DLGAP2: variants seen among roughly 807,000 people sequenced by gnomAD.
DLGAP2 encodes disks large-associated protein 2.
In DLGAP2, 26 loss-of-function variants were observed where a neutral mutation model predicts 100.3. The ratio of observed to expected loss-of-function variants is 0.26; its 90% confidence interval spans 0.19 to 0.36. The LOEUF (loss-of-function observed/expected upper bound fraction) is 0.36, where lower values mean the gene tolerates loss of function less well. DLGAP2 is among the 10% of genes least tolerant of loss of function. DLGAP2 has a pLI of 1.00. For synonymous variants in DLGAP2, 886 were observed against 630.1 expected, an observed-to-expected ratio of 1.41 and a Z score of -6.08; for missense variants, 1,858 against 1,453.2, an observed-to-expected ratio of 1.28 and a Z score of -4.53.
intron 2 of DLGAP2, among the ~76,000 whole-genome samples, chr8:989,137 G>C (rs1035460512): frequency 6.6e-6 from 1 of 152,114 alleles, no homozygotes; most frequent in Non-Finnish European, 1.5e-5. Context: ...TCAGCCCTGC[G>C]CGGCACCACC....
intron 6 of DLGAP2, among the ~76,000 whole-genome samples, chr8:1,623,966 T>C (rs968765913): frequency 2.0e-5 from 3 of 152,226 alleles, no homozygotes; most frequent in African/African-American, 7.2e-5. Context: ...ATTTGAAACA[T>C]AGACTCACAA....
At chr8:908,824 G>A (rs1798430486) in intron 2 of DLGAP2, among the ~76,000 whole-genome samples, 1 of 152,184 alleles carries the variant, frequency 6.6e-6, no homozygotes, top group African/African-American at 2.4e-5. Context: ...GTCCCAGGAT[G>A]TTTTAGTTGG....
At chr8:908,181 G>T (rs897296132) in intron 2 of DLGAP2, among the ~76,000 whole-genome samples, 1 of 152,148 alleles carries the variant, frequency 6.6e-6, no homozygotes, top group Non-Finnish European at 1.5e-5. Flanking sequence ...GTTTTTATTT[G>T]ACAGAGGAAA....
chr8:1,673,249 G>A (rs1475958397), intron 10 of DLGAP2, among the ~76,000 whole-genome samples: 1 of 152,196 alleles, frequency 6.6e-6, no homozygotes, highest in South Asian at 2.1e-4. Context: ...TGGGATTATA[G>A]ATGTGAGCCA....
intron 2 of DLGAP2, among the ~76,000 whole-genome samples, chr8:1,121,102 T>C (rs1168908843): frequency 4.1e-3 from 410 of 99,140 alleles, no homozygotes; most frequent in Middle Eastern, 0.031. Context: ...CCATCCTCAT[T>C]CCTTCAGACC....
chr8:1,566,005 C>G, intron 6 of DLGAP2, 111 bp downstream of exon 6: 1 of 844,802 alleles, frequency 1.2e-6, no homozygotes, highest in Non-Finnish European at 1.7e-6. Flanking sequence ...AACTAAATTG[C>G]CAAGCTGAAA....
At chr8:773,322 ACTT>A (rs1821417736) in intron 1 of DLGAP2, among the ~76,000 whole-genome samples, 1 of 122,760 alleles carries the variant, frequency 8.1e-6, no homozygotes, top group African/African-American at 3.3e-5. Flanking sequence ...TACCTTAATC[ACTT>A]CTTTTTTTTT....
chr8:1,644,987 A>C (rs1431573371), intron 8 of DLGAP2, among the ~76,000 whole-genome samples: 3 of 152,266 alleles, frequency 2.0e-5, no homozygotes, highest in Non-Finnish European at 2.9e-5. Context: ...TCACGCCTGT[A>C]GTGCCAGCAC....
chr8:1,348,290 C>A (rs995302017), intron 3 of DLGAP2, among the ~76,000 whole-genome samples: 1 of 150,718 alleles, frequency 6.6e-6, no homozygotes, highest in Non-Finnish European at 1.5e-5. Flanking sequence ...GGTTGAGTTT[C>A]CACATAGAGC....
At chr8:1,372,676 A>G (rs562127701) in intron 3 of DLGAP2, among the ~76,000 whole-genome samples, 5 of 152,342 alleles carry the variant, frequency 3.3e-5, no homozygotes, top group South Asian at 2.1e-4. Flanking sequence ...ATGCTCTTCA[A>G]TAAGTTGGAC....
chr8:1,632,110 G>A (rs957734035), intron 7 of DLGAP2, among the ~76,000 whole-genome samples: 2 of 151,792 alleles, frequency 1.3e-5, no homozygotes, highest in East Asian at 3.9e-4. Flanking sequence ...GGATGGAAGG[G>A]AGGGAGGATG....
chr8:1,374,635 G>C (rs1329096307), intron 3 of DLGAP2, among the ~76,000 whole-genome samples: 1 of 152,174 alleles, frequency 6.6e-6, no homozygotes, highest in Non-Finnish European at 1.5e-5. Flanking sequence ...CCTCAATGTA[G>C]GAGTTAAAGA....
At chr8:913,356 A>G (rs905250092) in intron 2 of DLGAP2, among the ~76,000 whole-genome samples, 5 of 152,198 alleles carry the variant, frequency 3.3e-5, no homozygotes, top group African/African-American at 1.2e-4. Context: ...TTTTAATTTC[A>G]TGATGGACAA....
intron 6 of DLGAP2, chr8:1,622,103 A>G (rs1413266069): frequency 1.3e-5 from 2 of 152,260 alleles, no homozygotes; most frequent in Non-Finnish European, 2.9e-5. Flanking sequence ...CAGGTGGAAT[A>G]ATACACACAT....
At chr8:1,262,719 C>G (rs577172982) in intron 3 of DLGAP2, 1 of 152,174 alleles carries the variant, frequency 6.6e-6, no homozygotes, top group South Asian at 2.1e-4. Context: ...GCTGGTTTAT[C>G]TTGACATAGC....
chr8:787,662 C>A (rs528154918), intron 1 of DLGAP2, among the ~76,000 whole-genome samples: 1 of 152,320 alleles, frequency 6.6e-6, no homozygotes, highest in South Asian at 2.1e-4. Context: ...TTGGCCTTGT[C>A]TTGCTCCGGG....
At chr8:1,154,835 G>C (rs1324427122) in intron 2 of DLGAP2, among the ~76,000 whole-genome samples, 1 of 152,160 alleles carries the variant, frequency 6.6e-6, no homozygotes, top group Non-Finnish European at 1.5e-5. Flanking sequence ...GGGGTGCCTT[G>C]GAGTTAGGAT....
chr8:965,473 C>G (rs867613038), intron 2 of DLGAP2, among the ~76,000 whole-genome samples: 2 of 54,400 alleles, frequency 3.7e-5, no homozygotes, highest in African/African-American at 9.2e-5. Context: ...TGACCCCGCA[C>G]TGCACACGGC....
intron 2 of DLGAP2, among the ~76,000 whole-genome samples, chr8:1,077,894 C>A (rs1195677392): frequency 6.6e-6 from 1 of 152,188 alleles, no homozygotes; most frequent in Non-Finnish European, 1.5e-5. Flanking sequence ...TGTGCGTGCA[C>A]GAGTTCTCCA....
Sources: allele counts gnomAD v4.1 joint callset (sites outside exome capture counted in the v4.1 genomes callset), GRCh38; gene constraint gnomAD v4.1.1; transcripts MANE v1.5; gene names NCBI Gene and HGNC (gene_info 2026-07-23, HGNC 2026-07-21).